The following LIPA variants were observed in gnomAD, a reference collection of about 807,000 sequenced individuals.
LIPA encodes the protein lysosomal acid lipase/cholesteryl ester hydrolase.
A neutral mutation model predicts 40.6 loss-of-function variants in LIPA; 26 were observed. The observed-to-expected ratio is 0.64, with a 90% CI of 0.47 to 0.89. The LOEUF (loss-of-function observed/expected upper bound fraction) is 0.89. Among genes scored for constraint, LIPA ranks in the 40% least tolerant of loss-of-function variants. The pLI, the probability that LIPA is intolerant of heterozygous loss-of-function variation, is 0.00. For synonymous variants in LIPA, 188 were observed against 168.4 expected (o/e 1.12, Z -0.90); for missense variants, 455 against 479.6 (o/e 0.95, Z 0.48).
chr10:89,384,550 C>T (rs1322360273), intron 2 of LIPA: 1 of 1,614,032 alleles, frequency 6.2e-7, no homozygotes, highest in East Asian at 2.2e-5. Context: ...AAAAATGTCC[C>T]ATTCCAGGGA....
chr10:89,231,368 C>T (rs763318579), intron 3 of LIPA, among the ~76,000 whole-genome samples: 2 of 152,320 alleles, frequency 1.3e-5, no homozygotes, highest in East Asian at 1.9e-4. Flanking sequence ...TGCTCACATA[C>T]ATGAAAATAT....
At chr10:89,232,310 C>A (rs1842851806) in intron 3 of LIPA, among the ~76,000 whole-genome samples, 2 of 152,094 alleles carry the variant, frequency 1.3e-5, no homozygotes, top group Non-Finnish European at 2.9e-5. Context: ...CACTTTTCAC[C>A]CACCAGGAGT....
At chr10:89,223,028 G>T (rs1161555838) in intron 7 of LIPA, among the ~76,000 whole-genome samples, 1 of 151,780 alleles carries the variant, frequency 6.6e-6, no homozygotes, top group Non-Finnish European at 1.5e-5. Context: ...GCATAGTATT[G>T]GCCAAGGGTT....
At chr10:89,370,650 A>C (rs191765021) in intron 2 of LIPA, among the ~76,000 whole-genome samples, 187 of 152,218 alleles carry the variant, frequency 1.2e-3, no homozygotes, top group African/African-American at 3.6e-3. Context: ...TGTTCTGTAC[A>C]TTATAGGATG....
intron 2 of LIPA, among the ~76,000 whole-genome samples, chr10:89,378,986 G>A (rs979031908): frequency 1.3e-5 from 2 of 152,202 alleles, no homozygotes; most frequent in African/African-American, 4.8e-5. Flanking sequence ...GGACCAGTCA[G>A]GGCAAGAGCA....
intron 1 of LIPA, chr10:89,332,337 C>G: frequency 1.7e-6 from 1 of 587,166 alleles, no homozygotes; most frequent in Non-Finnish European, 2.7e-6. Flanking sequence ...ATTTTATTTT[C>G]TTTTTACAGT....
chr10:89,350,446 C>G (rs1316199545), intron 2 of LIPA, among the ~76,000 whole-genome samples: 4 of 152,028 alleles, frequency 2.6e-5, no homozygotes, highest in Non-Finnish European at 5.9e-5. Flanking sequence ...GCTGAGACTA[C>G]AGGCGCATGC....
intron 2 of LIPA, among the ~76,000 whole-genome samples, chr10:89,371,807 G>T (rs1167520864): frequency 1.3e-5 from 2 of 152,178 alleles, no homozygotes; most frequent in Non-Finnish European, 2.9e-5. Context: ...TAACATGGGT[G>T]TTGATCTATG....
chr10:89,221,566 G>T (rs556298496), intron 8 of LIPA, among the ~76,000 whole-genome samples: 5 of 152,102 alleles, frequency 3.3e-5, no homozygotes, highest in Admixed American at 6.5e-5. Flanking sequence ...TGACTGCCAG[G>T]TGTTTGGAAA....
In LIPA at chr10:89,363,995, G is replaced by A. The variant is rs138432301; in HGVS notation, c.61+48796C>T. On this transcript the variant is annotated intron_variant, in intron 2 of 8. Transcript: ENST00000371837. ...GCTGTCCTATGAGACAGCCTGAGAC[G>A]GGCTACTGGCCTGAACCCTGTCTTT... 7.3e-3 allele frequency among the ~76,000 whole-genome samples: 1,112 copies of A among 152,190 alleles called. 32 individuals carry two copies. The highest frequency in any genetic ancestry group is 0.017 in the Admixed American group (261 of 15,294).
chr10:89,228,631 C>A (rs1339450399), intron 3 of LIPA, among the ~76,000 whole-genome samples: 1 of 152,162 alleles, frequency 6.6e-6, no homozygotes, highest in Non-Finnish European at 1.5e-5. Flanking sequence ...ACTAACAAGA[C>A]ACACTTATGT....
intron 1 of LIPA, among the ~76,000 whole-genome samples, chr10:89,248,664 T>C (rs958824672): frequency 1.3e-5 from 2 of 149,958 alleles, no homozygotes; most frequent in Non-Finnish European, 1.5e-5. Context: ...TTTTTTTTTT[T>C]AGTAGAGACG....
At chr10:89,363,844 GA>G (rs947605333) in intron 2 of LIPA, among the ~76,000 whole-genome samples, 2 of 151,622 alleles carry the variant, frequency 1.3e-5, no homozygotes, top group African/African-American at 4.8e-5. Flanking sequence ...AGTGCTAGAG[GA>G]AAAAAATTTT....
intron 3 of LIPA, among the ~76,000 whole-genome samples, chr10:89,244,690 C>T (rs993923020): frequency 6.6e-6 from 1 of 151,970 alleles, no homozygotes; most frequent in South Asian, 2.1e-4. Context: ...TCTAGAAATT[C>T]CTTTATCTGC....
intron 1 of LIPA, among the ~76,000 whole-genome samples, chr10:89,249,964 T>C (rs888149455): frequency 2.0e-5 from 3 of 152,182 alleles, no homozygotes; most frequent in African/African-American, 7.2e-5. Flanking sequence ...TCTTAAGAAA[T>C]TGATTCTCAG....
chr10:89,249,253 T>A (rs961259498), intron 1 of LIPA, among the ~76,000 whole-genome samples: 14 of 152,228 alleles, frequency 9.2e-5, no homozygotes, highest in Admixed American at 3.3e-4. Flanking sequence ...ACAAAGACCA[T>A]CTTGGTTTCT....
chr10:89,389,303 A>G lies in LIPA; in HGVS notation c.61+23488T>C, dbSNP rs186684698. 3.5e-3 allele frequency among the ~76,000 whole-genome samples: 526 copies of G among 152,330 alleles called. 8 individuals carry two copies. The highest frequency in any genetic ancestry group is 0.011 in the African/African-American group (466 of 41,580). ...TTCAGTCAAGCCTTTGGTTTTTATG[A>G]TTCTAGCATGAAAGCATCTTGTGTG... On this transcript the variant is annotated intron_variant, in intron 2 of 8. Coordinates refer to the LIPA transcript ENST00000371837.
intron 1 of LIPA, among the ~76,000 whole-genome samples, chr10:89,289,778 C>A (rs1843361983): frequency 6.6e-6 from 1 of 152,148 alleles, no homozygotes; most frequent in Non-Finnish European, 1.5e-5. Context: ...AATACTTTCA[C>A]CCCGATGAAG....
At chr10:89,226,831 A>G in intron 5 of LIPA, 64 bp downstream of exon 5, 1 of 973,154 alleles carries the variant, frequency 1.0e-6, no homozygotes, top group Non-Finnish European at 1.6e-6. Context: ...TTTCACTTTT[A>G]AGAAAAGTAC....
Sources: gnomAD v4.1 joint callset for allele counts (sites outside exome capture counted in the v4.1 genomes callset) on GRCh38, gnomAD v4.1.1 for gene constraint, MANE v1.5 for transcripts, NCBI Gene and HGNC (gene_info 2026-07-23, HGNC 2026-07-21) for gene names.